The following RPUSD4 variants were observed in gnomAD, a reference collection of about 807,000 sequenced individuals.
RPUSD4 encodes RNA pseudouridine synthase D4.
Under a neutral mutation model 35.4 loss-of-function variants are expected in RPUSD4, and 37 were observed. The observed-to-expected ratio is 1.04, with a 90% confidence interval of 0.80 to 1.37. The LOEUF (loss-of-function observed/expected upper bound fraction) is 1.37, where lower values mean the gene tolerates loss of function less well. RPUSD4 is among the 40% of genes most tolerant of loss of function. The pLI is 0.00. For synonymous variants in RPUSD4, 210 were observed against 192.7 expected (o/e 1.09, Z -0.74); for missense variants, 507 against 484.9 (o/e 1.05, Z -0.43).
At chr11:126,203,755 C>G in intron 6 of RPUSD4, 98 bp from the exon 7 acceptor site, 2 of 1,451,858 alleles carry the variant, frequency 1.4e-6, no homozygotes, top group Non-Finnish European at 1.8e-6. Context: ...GGAACCAAAA[C>G]TAACCCCCTG....
chr11:126,211,599 G>T lies in RPUSD4; in HGVS notation c.40C>A (p.Arg14=). 6.2e-7 allele frequency: 1 copy of T among 1,614,046 alleles called. No homozygotes were observed. The highest frequency in any genetic ancestry group is 8.5e-7 in the Non-Finnish European group (1 of 1,180,024). ...CTCCCGCAACCTTGGCCGTTTCCCC[G>T]GATCCAGGGGCCCGACGCGCTCCAC... ...PRWSASGPWI[R]GNGQGCGSLF... Residue 14 remains arginine, a synonymous_variant, in exon 1 of 7, where the codon CGG becomes AGG. Coordinates refer to ENST00000298317, the MANE Select transcript of RPUSD4 (RefSeq NM_032795.3).
intron 2 of RPUSD4, 130 bp downstream of exon 2, chr11:126,210,760 C>T (rs1949847776): frequency 8.2e-6 from 6 of 731,732 alleles, no homozygotes; most frequent in Non-Finnish European, 1.0e-5. Context: ...TTATATTGGA[C>T]GGTAGTTTAC....
At chr11:126,210,763 T>TACAAA in intron 2 of RPUSD4, 127 bp downstream of exon 2, 2 of 802,286 alleles carry the variant, frequency 2.5e-6, no homozygotes, top group South Asian at 2.2e-5. Flanking sequence ...TATTGGACGG[T>TACAAA]AGTTTACAAA....
At chr11:126,210,765 G>A in intron 2 of RPUSD4, 125 bp downstream of exon 2, 2 of 938,740 alleles carry the variant, frequency 2.1e-6, no homozygotes, top group Non-Finnish European at 3.2e-6. Context: ...TTGGACGGTA[G>A]TTTACAAAAG....
intron 3 of RPUSD4, 70 bp from the exon 4 acceptor site, chr11:126,205,851 A>C: frequency 8.2e-7 from 1 of 1,216,320 alleles, no homozygotes; most frequent in Non-Finnish European, 1.1e-6. Flanking sequence ...GGCCACTTAG[A>C]GGATTTCACG....
Position 126,211,523 on chromosome 11 carries a change from G to A in RPUSD4, c.116C>T (p.Thr39Met), listed in dbSNP as rs202117043. Reference protein sequence around the residue: ...KPFCAAAAASTAINAQRLAEK... With the variant: ...KPFCAAAAASMAINAQRLAEK... ...CGCTAATCTCTGGGCATTTATGGCCGTAGAGGCAGCGGCAGCGGCACAAAA... is the reference window on the plus strand; with the variant it reads ...CGCTAATCTCTGGGCATTTATGGCCATAGAGGCAGCGGCAGCGGCACAAAA... Residue 39 changes from threonine to methionine, a missense_variant, in exon 1 of 7, where the codon ACG becomes ATG. Physicochemically the swap from Thr to Met is moderately conservative, Grantham distance 81. Coordinates refer to ENST00000298317, the MANE Select transcript of RPUSD4 (RefSeq NM_032795.3). The A allele has an allele frequency of 2.4e-5, 39 of 1,614,226 alleles. No individual in the cohort carries two copies. In the East Asian group the frequency reaches 7.1e-4, roughly 30 times the overall value.
At position 126,204,288 on chromosome 11, in the gene RPUSD4, C is replaced by T; in HGVS notation, c.837G>A (p.Leu279=). 1 of 1,613,464 alleles carries T rather than the reference C, an allele frequency of 6.2e-7. No homozygotes were observed. Among genetic ancestry groups the T allele is most frequent in the Non-Finnish European group, 8.5e-7 (1 of 1,179,916 alleles). ...HQLRVHLSFG[L]DCPILGDHKY... ...TGTGATCACCAAGGATTGGACAATC[C>T]AATCCAAAAGACAAGTGAACTCGAA... The change falls in exon 6 of 7, where the codon TTG becomes TTA. Residue 279 remains leucine (L), a synonymous_variant. Coordinates refer to ENST00000298317, the MANE Select transcript of RPUSD4 (RefSeq NM_032795.3).
Position 126,203,616 on chromosome 11 carries a change from C to T in RPUSD4, c.936G>A (p.Gln312=), listed in dbSNP as rs73622200. The part of the protein sequence containing the change: ...VGTLKKLGLE[Q]SKARYIPLHL... ...GAAGGGGGATGTAGCGGGCCTTCGA[C>T]TGTTCTAGCCCCAGCTTCTTCAGGG... The change falls in exon 7 of 7, where the codon CAG becomes CAA. Residue 312 remains glutamine, a synonymous_variant. Coordinates refer to ENST00000298317, the MANE Select transcript of RPUSD4 (RefSeq NM_032795.3). 1.7e-3 allele frequency: 2,810 copies of T among 1,614,056 alleles called. 26 individuals carry two copies. The African/African-American group carries it at 0.026, about 15-fold the overall frequency.
Position 126,202,211 on chromosome 11 carries a change from T to C in RPUSD4, c.*1207A>G, listed in dbSNP as rs1171287660. ...AACATATAAAGACTGTCCCGGGGTG[T>C]ACCCCCCTAACTGTGCTGTCACTCC... On this transcript the variant is annotated 3_prime_UTR_variant, in exon 7 of 7. Transcript: ENST00000298317. The C allele has an allele frequency of 1.3e-5, 2 of 152,222 alleles. No homozygotes were observed. Among genetic ancestry groups the C allele is most frequent in the African/African-American group, 2.4e-5 (1 of 41,446 alleles). The allele number at this position is 152,222 out of a possible 1,614,324, so 9.4% of individuals were successfully genotyped here. A position where few individuals can be genotyped will look rare whatever the true frequency, so the allele number is the denominator to read the frequency against.
chr11:126,210,749 C>CTG, intron 2 of RPUSD4, 141 bp downstream of exon 2: 18 of 746,284 alleles, frequency 2.4e-5, no homozygotes, highest in South Asian at 6.0e-5. Flanking sequence ...TCGGTGGTTC[C>CTG]TTATATTGGA....
At position 126,210,551 on chromosome 11, in the gene RPUSD4, C is replaced by CACACACACACA. The variant is rs369874015; in HGVS notation, c.355+338_355+339insTGTGTGTGTGT. ...CACACACACACACACACACACACAC[C>CACACACACACA]CCCTTTTTTCTTATGTATCATTTTC... On this transcript the variant is annotated intron_variant, in intron 2 of 6. Transcript: ENST00000298317. 4.8e-3 allele frequency among the ~76,000 whole-genome samples: 702 copies of CACACACACACA among 145,572 alleles called. 7 individuals carry two copies. Among genetic ancestry groups the CACACACACACA allele is most frequent in the Middle Eastern group, 0.025 (7 of 282 alleles).
At chr11:126,211,125 C>T in intron 1 of RPUSD4, 70 bp from the exon 2 acceptor site, 1 of 1,549,872 alleles carries the variant, frequency 6.5e-7, no homozygotes, top group Non-Finnish European at 8.8e-7. Context: ...CCATAAAGGT[C>T]TGGGTGAGAA....
Position 126,203,657 on chromosome 11 carries a change from T to G in RPUSD4, c.895A>C (p.Lys299Gln), listed in dbSNP as rs759133248. Residue 299 changes from lysine to glutamine, a missense_variant and splice_region_variant, in exon 7 of 7, where the codon AAG becomes CAG. Physicochemically the swap from Lys to Gln is moderately conservative, Grantham distance 53. Coordinates refer to ENST00000298317, the MANE Select transcript of RPUSD4 (RefSeq NM_032795.3). The part of the protein sequence containing the change: ...YSDWNRLAPQ[K>Q]LSVGTLKKLG... Reference sequence around the variant, plus strand: ...TTCTTCAGGGTGCCCACAGACAGCTTCTATACAAAGAAAGGACAGACCCTT... The same window carrying G: ...TTCTTCAGGGTGCCCACAGACAGCTGCTATACAAAGAAAGGACAGACCCTT... 1.9e-5 allele frequency: 30 copies of G among 1,610,294 alleles called. No individual in the cohort carries two copies. The Admixed American group carries it at 4.8e-4, about 26-fold the overall frequency.
intron 3 of RPUSD4, 118 bp downstream of exon 3, chr11:126,209,403 T>C (rs1949814080): frequency 3.7e-6 from 3 of 808,674 alleles, no homozygotes; most frequent in Non-Finnish European, 6.0e-6. Flanking sequence ...TTTTTTACAA[T>C]CTCGCAGGTC....
chr11:126,209,385 T>G lies in RPUSD4; in HGVS notation c.557+136A>C, dbSNP rs966620618. On this transcript the variant is annotated intron_variant, in intron 3 of 6. Coordinates refer to ENST00000298317, the MANE Select transcript of RPUSD4 (RefSeq NM_032795.3). The stretch of plus-strand genomic sequence containing the variant: ...TTAATATTCTAAGCACCAAAGCTGT[T>G]TCACATATTTTTTACAATCTCGCAG... The G allele has an allele frequency of 8.4e-6, 6 of 713,046 alleles. No homozygotes were observed. In the Admixed American group the frequency reaches 1.0e-4, roughly 12 times the overall value. 44.2% of individuals were successfully genotyped at this position (713,046 alleles called of 1,614,324 possible).
chr11:126,203,926 C>T (rs979626086), intron 6 of RPUSD4, among the ~76,000 whole-genome samples: 2 of 152,106 alleles, frequency 1.3e-5, no homozygotes, highest in East Asian at 1.9e-4. Context: ...GCTTTCCCTG[C>T]GGTTTTTTAG....
intron 1 of RPUSD4, 98 bp from the exon 2 acceptor site, chr11:126,211,153 T>G: frequency 7.2e-7 from 1 of 1,392,928 alleles, no homozygotes; most frequent in South Asian, 1.3e-5. Context: ...AGGGAATGAC[T>G]ATCTTTGCAT....
At position 126,202,595 on chromosome 11, in the gene RPUSD4, T is replaced by TA. The variant is rs1427136611; in HGVS notation, c.*822_*823insT. On this transcript the variant is annotated 3_prime_UTR_variant, in exon 7 of 7. Coordinates refer to ENST00000298317, the MANE Select transcript of RPUSD4 (RefSeq NM_032795.3). ...CATTCATTAAACATAGACTGCAAAC[T>TA]GCTAGCCTGTAGACCAAATTCAACC... 3 of 152,256 alleles carry TA rather than the reference T, an allele frequency of 2.0e-5. No individual in the cohort carries two copies. Among genetic ancestry groups the TA allele is most frequent in the Non-Finnish European group, 4.4e-5 (3 of 68,048 alleles). 9.4% of individuals were successfully genotyped at this position (152,256 alleles called of 1,614,324 possible).
In RPUSD4 at chr11:126,203,511, G is replaced by T. The variant is rs1949735580; in HGVS notation, c.1041C>A (p.Arg347=). 6.2e-7 allele frequency: 1 copy of T among 1,614,220 alleles called. No homozygotes were observed. Among genetic ancestry groups the T allele is most frequent in the Non-Finnish European group, 8.5e-7 (1 of 1,180,042 alleles). Residue 347 remains arginine, a synonymous_variant, in exon 7 of 7, where the codon CGC becomes CGA. Transcript: ENST00000298317. The stretch of plus-strand genomic sequence containing the variant: ...GGCGGTGCAGGGAATGCACAAAGAA[G>T]CGAGGAAGTTTGCAGACCAAGTTGA... The part of the protein sequence containing the change: ...EELNLVCKLP[R]FFVHSLHRLR...
Sources: gnomAD v4.1 joint callset for allele counts (sites outside exome capture counted in the v4.1 genomes callset) on GRCh38, gnomAD v4.1.1 for gene constraint, MANE v1.5 for transcripts, NCBI Gene and HGNC (gene_info 2026-07-23, HGNC 2026-07-21) for gene names.